The following SMYD2 variants were observed in gnomAD, a reference collection of about 807,000 sequenced individuals.
The protein encoded by SMYD2 is N-lysine methyltransferase SMYD2.
Under a neutral mutation model 59.1 loss-of-function variants are expected in SMYD2, and 53 were observed. The ratio of observed to expected loss-of-function variants is 0.90; its 90% confidence interval spans 0.72 to 1.13. SMYD2 has a LOEUF of 1.13. Ranked by LOEUF, SMYD2 falls within the 50% of genes most tolerant of loss-of-function variation. The pLI, the probability that SMYD2 is intolerant of heterozygous loss-of-function variation, is 0.00. For synonymous variants in SMYD2, 208 were observed against 198.8 expected (o/e 1.05, Z -0.39); for missense variants, 494 against 544.7 (o/e 0.91, Z 0.93).
At chr1:214,307,501 A>AT (rs1656933269) in intron 2 of SMYD2, among the ~76,000 whole-genome samples, 1 of 152,186 alleles carries the variant, frequency 6.6e-6, no homozygotes. Flanking sequence ...GAGGGTGCTG[A>AT]TGGTGTACAT....
At chr1:214,332,397 T>A in intron 10 of SMYD2, 1 of 568,622 alleles carries the variant, frequency 1.8e-6, no homozygotes, top group Non-Finnish European at 3.0e-6. Flanking sequence ...CAGGTTGAGG[T>A]TATGCAGCGG....
chr1:214,291,724 C>T (rs529563138), intron 1 of SMYD2, among the ~76,000 whole-genome samples: 2 of 152,312 alleles, frequency 1.3e-5, no homozygotes, highest in Admixed American at 6.5e-5. Context: ...TCCAGTCCTA[C>T]AACTACAACA....
At chr1:214,333,935 C>T (rs569020137) in intron 10 of SMYD2, 2 of 326,116 alleles carry the variant, frequency 6.1e-6, no homozygotes, top group South Asian at 1.3e-4. Context: ...ATTGTGTTTA[C>T]AAATGCTTTT....
At chr1:214,321,248 A>G (rs1283947161) in intron 5 of SMYD2, among the ~76,000 whole-genome samples, 2 of 151,812 alleles carry the variant, frequency 1.3e-5, no homozygotes, top group Non-Finnish European at 2.9e-5. Flanking sequence ...TAAAAAATGT[A>G]TATATATATA....
At chr1:214,308,783 A>C (rs1035549597) in intron 2 of SMYD2, among the ~76,000 whole-genome samples, 4 of 152,200 alleles carry the variant, frequency 2.6e-5, no homozygotes, top group Non-Finnish European at 5.9e-5. Context: ...GGGTGACCCA[A>C]GATCACCCAA....
chr1:214,285,392 G>C (rs6419473), intron 1 of SMYD2, among the ~76,000 whole-genome samples: 132,669 of 152,246 alleles, frequency 0.87, 58,350 homozygotes, highest in African/African-American at 0.97. Flanking sequence ...GGGACCTTGT[G>C]CCCAGGACTG....
At chr1:214,334,078 A>G in intron 10 of SMYD2, 122 bp from the exon 11 acceptor site, 1 of 762,412 alleles carries the variant, frequency 1.3e-6, no homozygotes, top group East Asian at 2.5e-5. Flanking sequence ...TGGGATTTGG[A>G]GAGGCCGCTG....
intron 1 of SMYD2, among the ~76,000 whole-genome samples, chr1:214,300,804 T>C (rs770548809): frequency 4.7e-4 from 71 of 152,286 alleles, no homozygotes; most frequent in East Asian, 1.7e-3. Context: ...TTATCTTCAT[T>C]TGAAAAATAG....
chr1:214,335,380 GAAAGCTGGAGCAGA>G (rs1396191101), intron 11 of SMYD2, among the ~76,000 whole-genome samples: 1 of 152,228 alleles, frequency 6.6e-6, no homozygotes, highest in Non-Finnish European at 1.5e-5. Context: ...ATAGATCAAT[GAAAGCTGGAGCAGA>G]TCTGAGCAAG....
chr1:214,331,252 T>G, intron 9 of SMYD2, 182 bp downstream of exon 9: 1 of 897,234 alleles, frequency 1.1e-6, no homozygotes, highest in South Asian at 1.8e-5. Context: ...CCTGTTGGAG[T>G]TGTATGATTT....
intron 1 of SMYD2, among the ~76,000 whole-genome samples, chr1:214,294,876 T>A (rs1656697420): frequency 6.6e-6 from 1 of 152,068 alleles, no homozygotes; most frequent in South Asian, 2.1e-4. Context: ...CTGTTAGGAG[T>A]ATTTTAAGTT....
At chr1:214,283,831 C>T (rs9308434) in intron 1 of SMYD2, among the ~76,000 whole-genome samples, 73,409 of 152,014 alleles carry the variant, frequency 0.48, 19,133 homozygotes, top group African/African-American at 0.69. Context: ...ATAAACAATA[C>T]TGCTTAAGAT....
chr1:214,296,215 A>C (rs940817221), intron 1 of SMYD2, among the ~76,000 whole-genome samples: 2 of 152,256 alleles, frequency 1.3e-5, no homozygotes, highest in African/African-American at 2.4e-5. Context: ...AGGAGTTGTT[A>C]ATTACATTTC....
At chr1:214,300,555 G>C (rs779074384) in intron 1 of SMYD2, among the ~76,000 whole-genome samples, 1 of 152,138 alleles carries the variant, frequency 6.6e-6, no homozygotes, top group Non-Finnish European at 1.5e-5. Context: ...CACTGGAGCC[G>C]GGGCATTATG....
chr1:214,308,665 C>T (rs1418251137), intron 2 of SMYD2, among the ~76,000 whole-genome samples: 1 of 152,134 alleles, frequency 6.6e-6, no homozygotes, highest in African/African-American at 2.4e-5. Context: ...AGGCCCTACC[C>T]CCCTGGAGTC....
Position 214,281,330 on chromosome 1 carries a change from C to T in SMYD2, c.76C>T (p.Pro26Ser), listed in dbSNP as rs1656438116. 2.1e-6 allele frequency: 3 copies of T among 1,434,902 alleles called. No homozygotes were observed. Among genetic ancestry groups the T allele is most frequent in the African/African-American group, 1.5e-5 (1 of 68,188 alleles). 88.9% of individuals were successfully genotyped at this position (1,434,902 alleles called of 1,614,324 possible). A position where few individuals can be genotyped will look rare whatever the true frequency, so the allele number is the denominator to read the frequency against. ...GKGRGLRALQ[P>S]FQVGDLLFSC... Reference sequence around the variant, plus strand: ...AGGCCGGGGGCTGCGGGCTCTGCAGCCCTTCCAGGTGGGGGACTTGCTGTT... The same window carrying T: ...AGGCCGGGGGCTGCGGGCTCTGCAGTCCTTCCAGGTGGGGGACTTGCTGTT... Residue 26 changes from proline to serine, a missense_variant, in exon 1 of 12, where the codon CCC becomes TCC. Physicochemically the swap from Pro to Ser is moderately conservative, Grantham distance 74. Transcript: ENST00000366957.
rs778692186 is a variant in SMYD2, at chr1:214,324,670, TGAA to T, written c.568_570del (p.Glu190del). On this transcript the variant is annotated inframe_deletion, in exon 6 of 12. Coordinates refer to ENST00000366957, the MANE Select transcript of SMYD2 (RefSeq NM_020197.3). Reference sequence around the variant, plus strand: ...ACTGTAATGGCTTCACAATTGAAGATGAAGAACTTTCTCATTTGGGATCAGCGA... The same window carrying T: ...ACTGTAATGGCTTCACAATTGAAGATGAACTTTCTCATTTGGGATCAGCGA... 139 of 1,613,486 alleles carry T rather than the reference TGAA, an allele frequency of 8.6e-5. No homozygotes were observed. In the Admixed American group the frequency reaches 9.7e-4, roughly 11 times the overall value.
At chr1:214,328,662 T>C (rs1657300146) in intron 7 of SMYD2, among the ~76,000 whole-genome samples, 2 of 152,222 alleles carry the variant, frequency 1.3e-5, no homozygotes, top group Admixed American at 6.5e-5. Context: ...GTGTAAAATA[T>C]AACTGTCAGC....
chr1:214,304,558 C>CAAAAAAAAAAAAA lies in SMYD2; in HGVS notation c.174-617_174-605dup, dbSNP rs56254326. Reference sequence around the variant, plus strand: ...TGGGTGACAGAGTGAGACCCTATCTCAAAAAAAAAAAAAAAAAAAAAAAAG... The same window carrying CAAAAAAAAAAAAA: ...TGGGTGACAGAGTGAGACCCTATCTCAAAAAAAAAAAAAAAAAAAAAAAAAAAAAAAAAAAAAG... On this transcript the variant is annotated intron_variant, in intron 1 of 11. Transcript: ENST00000366957. 1.9e-4 allele frequency among the ~76,000 whole-genome samples: 9 copies of CAAAAAAAAAAAAA among 48,026 alleles called. 3 individuals carry two copies. The highest frequency in any genetic ancestry group is 3.6e-4 in the African/African-American group (4 of 11,252). The allele number at this position is 48,026 out of a possible 152,430, so 31.5% of individuals were successfully genotyped here.
Sources: allele counts gnomAD v4.1 joint callset (sites outside exome capture counted in the v4.1 genomes callset), GRCh38; gene constraint gnomAD v4.1.1; transcripts MANE v1.5; gene names NCBI Gene and HGNC (gene_info 2026-07-23, HGNC 2026-07-21).